KLHL18: variants seen among roughly 807,000 people sequenced by gnomAD.
The protein encoded by KLHL18 is kelch like family member 18.
In KLHL18, 38 loss-of-function variants were observed where a neutral mutation model predicts 58.5. The ratio of observed to expected loss-of-function variants is 0.65; its 90% confidence interval spans 0.50 to 0.85. KLHL18 has a LOEUF of 0.85. Among genes scored for constraint, KLHL18 ranks in the 40% least tolerant of loss-of-function variants. KLHL18 has a pLI of 0.00. For synonymous variants in KLHL18, 303 were observed against 301.9 expected (o/e 1.00, Z -0.04); for missense variants, 624 against 778.4 (o/e 0.80, Z 2.36).
At chr3:47,294,966 C>T (rs1469496181) in intron 1 of KLHL18, among the ~76,000 whole-genome samples, 1 of 149,960 alleles carries the variant, frequency 6.7e-6, no homozygotes, top group African/African-American at 2.5e-5. Flanking sequence ...AACTTGTCAG[C>T]GGAGCCGTGA....
chr3:47,309,010 A>G (rs1314580900), intron 1 of KLHL18, among the ~76,000 whole-genome samples: 1 of 152,184 alleles, frequency 6.6e-6, no homozygotes, highest in African/African-American at 2.4e-5. Flanking sequence ...TGTTTAACAA[A>G]GCACATCTTG....
chr3:47,324,943 T>A (rs1703679962), intron 3 of KLHL18, among the ~76,000 whole-genome samples: 1 of 152,234 alleles, frequency 6.6e-6, no homozygotes, highest in Non-Finnish European at 1.5e-5. Context: ...TTTGAGCCTA[T>A]CTTTGACATT....
At chr3:47,288,104 C>A (rs1354389667) in intron 1 of KLHL18, among the ~76,000 whole-genome samples, 1 of 151,580 alleles carries the variant, frequency 6.6e-6, no homozygotes, top group African/African-American at 2.4e-5. Flanking sequence ...GCCTGTAGTC[C>A]CAGCCACTCA....
chr3:47,287,180 C>T (rs1372825698), intron 1 of KLHL18: 1 of 152,196 alleles, frequency 6.6e-6, no homozygotes, highest in Non-Finnish European at 1.5e-5. Context: ...TTTGTTGACC[C>T]TTCTAATGTG....
rs1704176047 is a variant in KLHL18 at position 47,344,159 on chromosome 3, CCT to C, written c.*221_*222del. 3 of 573,188 alleles carry C rather than the reference CCT, an allele frequency of 5.2e-6. No homozygotes were observed. Among genetic ancestry groups the C allele is most frequent in the Non-Finnish European group, 9.1e-6 (3 of 330,008 alleles). 35.5% of individuals were successfully genotyped at this position (573,188 alleles called of 1,614,324 possible). A position where few individuals can be genotyped will look rare whatever the true frequency, so the allele number is the denominator to read the frequency against. ...AGATGCACAGCATGGAACACAAGCT[CCT>C]CTGGATCCTGCAGCTGGTGACATGG... On this transcript the variant is annotated 3_prime_UTR_variant, in exon 10 of 10. Transcript: ENST00000232766.
Position 47,282,999 on chromosome 3 carries a change from C to T in KLHL18, c.34C>T (p.Leu12=). The change falls in exon 1 of 10, where the codon CTG becomes TTG. Residue 12 remains leucine, a synonymous_variant. Transcript: ENST00000232766. The part of the protein sequence containing the change: ...VEDGAEELED[L]VHFSVSELPS... ...GGACGGCGCGGAGGAGCTGGAGGAT[C>T]TGGTGCACTTCTCCGTGTCTGAGTT... 6.2e-7 allele frequency: 1 copy of T among 1,611,360 alleles called. No individual in the cohort carries two copies.
At position 47,334,290 on chromosome 3, in the gene KLHL18, G is replaced by A. The variant is rs1051977342; in HGVS notation, c.762-393G>A. On this transcript the variant is annotated intron_variant, in intron 5 of 9. Transcript: ENST00000232766. The surrounding 1 kb of genome is among the most constrained non-coding windows in gnomAD (Gnocchi z 4.7). ...GGGAAATGTGTCAGGAGCTGCCACCGTGGAGATGAGTGGTGATTAATTGCA... is the reference window on the plus strand; with the variant it reads ...GGGAAATGTGTCAGGAGCTGCCACCATGGAGATGAGTGGTGATTAATTGCA... Among the ~76,000 whole-genome samples the A allele has an allele frequency of 5.3e-5, 8 of 152,270 alleles. No homozygotes were observed. Among genetic ancestry groups the A allele is most frequent in the Admixed American group, 3.3e-4 (5 of 15,294 alleles).
At chr3:47,330,424 C>T (rs1325035155) in intron 4 of KLHL18, among the ~76,000 whole-genome samples, 3 of 151,954 alleles carry the variant, frequency 2.0e-5, no homozygotes, top group East Asian at 1.9e-4. Flanking sequence ...ATCAGCCTCC[C>T]GAGTAGCTGG....
At chr3:47,308,291 T>G (rs544073099) in intron 1 of KLHL18, among the ~76,000 whole-genome samples, 1 of 152,254 alleles carries the variant, frequency 6.6e-6, no homozygotes, top group East Asian at 1.9e-4. Context: ...CGTGCAAGTT[T>G]GTTACATAGG....
rs295436 is a variant in KLHL18 at position 47,306,048 on chromosome 3, T to C, written c.130-13605T>C. Among the ~76,000 whole-genome samples the C allele has an allele frequency of 2.9e-3, 439 of 152,196 alleles. 1 individual carries two copies. Among genetic ancestry groups the C allele is most frequent in the Non-Finnish European group, 5.4e-3 (368 of 67,968 alleles). ...CATTAGTTTACTGTTTTCCTGTTTTTAATTTCATTGATTTCTGCTCCTTTT... is the reference window on the plus strand; with the variant it reads ...CATTAGTTTACTGTTTTCCTGTTTTCAATTTCATTGATTTCTGCTCCTTTT... On this transcript the variant is annotated intron_variant, in intron 1 of 9. Coordinates refer to ENST00000232766, the MANE Select transcript of KLHL18 (RefSeq NM_025010.5).
chr3:47,307,212 C>T (rs1278656552), intron 1 of KLHL18, among the ~76,000 whole-genome samples: 1 of 152,150 alleles, frequency 6.6e-6, no homozygotes, highest in Non-Finnish European at 1.5e-5. Flanking sequence ...GCTGGGATTA[C>T]AGGTGCATGC....
Position 47,308,539 on chromosome 3 carries a change from T to C in KLHL18, c.130-11114T>C, listed in dbSNP as rs375077395. Among the ~76,000 whole-genome samples the C allele has an allele frequency of 9.0e-4, 137 of 152,212 alleles. No individual in the cohort carries two copies. In the South Asian group the frequency reaches 0.026, roughly 29 times the overall value. On this transcript the variant is annotated intron_variant, in intron 1 of 9. Coordinates refer to ENST00000232766, the MANE Select transcript of KLHL18 (RefSeq NM_025010.5). Reference sequence around the variant, plus strand: ...CCAAGTAGCTGGGACTACAGGTGCATGCCACCACACCTGGCTAATTTTTGT... The same window carrying C: ...CCAAGTAGCTGGGACTACAGGTGCACGCCACCACACCTGGCTAATTTTTGT...
chr3:47,322,549 CT>C lies in KLHL18; in HGVS notation c.261-16del. ...ACTCGTCTCTGAAAGCACCTCACAG[CT>C]TTCCCTCTTTCCTCTAGTGCCCTGG... On this transcript the variant is annotated intron_variant, in intron 2 of 9. Coordinates refer to ENST00000232766, the MANE Select transcript of KLHL18 (RefSeq NM_025010.5). 1 of 1,576,224 alleles carries C rather than the reference CT, an allele frequency of 6.3e-7. No homozygotes were observed.
intron 8 of KLHL18, among the ~76,000 whole-genome samples, chr3:47,341,795 C>T (rs1335039363): frequency 2.6e-5 from 4 of 151,156 alleles, no homozygotes; most frequent in East Asian, 1.9e-4. Context: ...CAGTGGCTCA[C>T]GCCTGTAATC....
At position 47,332,888 on chromosome 3, in the gene KLHL18, G is replaced by A. The variant is rs1460287760; in HGVS notation, c.601-269G>A. ...AGCAGGGGTACAGGAGCAGCGGGAAGGGAAACAGGCATTTTGTTTTCACAG... is the reference window on the plus strand; with the variant it reads ...AGCAGGGGTACAGGAGCAGCGGGAAAGGAAACAGGCATTTTGTTTTCACAG... On this transcript the variant is annotated intron_variant, in intron 4 of 9. Coordinates refer to ENST00000232766, the MANE Select transcript of KLHL18 (RefSeq NM_025010.5). 2.2e-4 allele frequency among the ~76,000 whole-genome samples: 34 copies of A among 152,104 alleles called. 1 individual carries two copies. Among genetic ancestry groups the A allele is most frequent in the Admixed American group, 2.2e-3 (34 of 15,256 alleles).
In KLHL18 at chr3:47,329,148, A is replaced by G. The variant is rs903156847; in HGVS notation, c.402-803A>G. Among the ~76,000 whole-genome samples, 5 of 11,808 alleles carry G rather than the reference A, an allele frequency of 4.2e-4. No homozygotes were observed. The Admixed American group carries it at 0.011, about 26-fold the overall frequency. The allele number at this position is 11,808 out of a possible 152,430, so 7.7% of individuals were successfully genotyped here. A position where few individuals can be genotyped will look rare whatever the true frequency, so the allele number is the denominator to read the frequency against. On this transcript the variant is annotated intron_variant, in intron 3 of 9. Transcript: ENST00000232766. ...TGTCTCAAAAAAGAAAAAAAAGGAA[A>G]AAAAAAGACAAGTATAAGAGTTCCC...
intron 1 of KLHL18, chr3:47,283,342 G>T (rs779450269): frequency 2.9e-4 from 153 of 519,510 alleles, no homozygotes; most frequent in Non-Finnish European, 4.5e-4. Context: ...CCCTTGGAGT[G>T]GGAGACACGG....
chr3:47,301,162 T>C (rs987498955), intron 1 of KLHL18, among the ~76,000 whole-genome samples: 1 of 152,164 alleles, frequency 6.6e-6, no homozygotes, highest in Non-Finnish European at 1.5e-5. Context: ...TTTGCAGATA[T>C]ATTTTTTAGT....
intron 1 of KLHL18, among the ~76,000 whole-genome samples, chr3:47,292,339 TG>T (rs1275147864): frequency 1.3e-5 from 2 of 151,960 alleles, no homozygotes; most frequent in Admixed American, 6.6e-5. Context: ...CCAGGCGTGG[TG>T]TCGCATGCCT....
Sources: gnomAD v4.1 joint callset for allele counts (sites outside exome capture counted in the v4.1 genomes callset) on GRCh38, gnomAD v4.1.1 for gene constraint, Gnocchi (gnomAD v3.1) non-coding constraint, MANE v1.5 for transcripts, NCBI Gene and HGNC (gene_info 2026-07-23, HGNC 2026-07-21) for gene names.